The following ANO3 variants were observed in gnomAD, a reference collection of about 807,000 sequenced individuals.
The protein encoded by ANO3 is anoctamin 3, also known as anoctamin-3.
Under a neutral mutation model 144.8 loss-of-function variants are expected in ANO3, and 99 were observed. The ratio of observed to expected loss-of-function variants is 0.68; its 90% CI spans 0.58 to 0.81. The LOEUF (loss-of-function observed/expected upper bound fraction) is 0.81, where lower values mean the gene tolerates loss of function less well. ANO3 is among the 30% of genes least tolerant of loss of function. ANO3 has a pLI of 0.00. For missense variants in ANO3, 905 were observed against 1,202.2 expected (o/e 0.75, Z 3.66); for synonymous variants, 414 against 392.6 (o/e 1.05, Z -0.64).
intron 1 of ANO3, among the ~76,000 whole-genome samples, chr11:26,251,955 C>T (rs913935704): frequency 6.6e-6 from 1 of 152,128 alleles, no homozygotes; most frequent in Admixed American, 6.5e-5. Flanking sequence ...TGACACAGTC[C>T]AAACCATATC....
At chr11:26,573,473 C>G (rs905006795) in intron 14 of ANO3, among the ~76,000 whole-genome samples, 1 of 152,076 alleles carries the variant, frequency 6.6e-6, no homozygotes, top group Non-Finnish European at 1.5e-5. Context: ...AGGTAAAAAT[C>G]CAACTAAATA....
At chr11:26,202,200 T>G (rs1211718353) in intron 1 of ANO3, among the ~76,000 whole-genome samples, 1 of 147,602 alleles carries the variant, frequency 6.8e-6, no homozygotes, top group African/African-American at 2.5e-5. Context: ...TTAAGTTATA[T>G]TATTTCCAAA....
intron 1 of ANO3, among the ~76,000 whole-genome samples, chr11:26,278,783 A>G (rs10834940): frequency 0.18 from 26,935 of 152,020 alleles, 2,657 homozygotes; most frequent in African/African-American, 0.27. Flanking sequence ...TTCTCTGCAC[A>G]TCTTAAGCAC....
intron 3 of ANO3, among the ~76,000 whole-genome samples, chr11:26,449,075 T>C (rs1858818293): frequency 6.6e-6 from 1 of 152,182 alleles, no homozygotes; most frequent in Admixed American, 6.5e-5. Context: ...TTCAGAGACC[T>C]CACAGAATCT....
intron 24 of ANO3, among the ~76,000 whole-genome samples, chr11:26,654,002 AC>A (rs1853610050): frequency 6.6e-6 from 1 of 152,110 alleles, no homozygotes; most frequent in Non-Finnish European, 1.5e-5. Flanking sequence ...CAGTTTTTGA[AC>A]TATCTCCTCT....
At chr11:26,495,543 G>GT (rs1406105018) in intron 4 of ANO3, among the ~76,000 whole-genome samples, 1 of 152,104 alleles carries the variant, frequency 6.6e-6, no homozygotes, top group African/African-American at 2.4e-5. Flanking sequence ...TTATTCATTT[G>GT]TACTCTGAGT....
chr11:26,550,644 A>G (rs530726774), intron 12 of ANO3, among the ~76,000 whole-genome samples: 1 of 152,138 alleles, frequency 6.6e-6, no homozygotes, highest in South Asian at 2.1e-4. Context: ...ACACATATAT[A>G]CCACATTTTC....
intron 1 of ANO3, among the ~76,000 whole-genome samples, chr11:26,277,111 T>A (rs1853575521): frequency 6.6e-6 from 1 of 152,036 alleles, no homozygotes; most frequent in African/African-American, 2.4e-5. Flanking sequence ...AATAAATCCA[T>A]CCATATAAAA....
intron 4 of ANO3, among the ~76,000 whole-genome samples, chr11:26,504,075 T>C (rs1861311693): frequency 6.6e-6 from 1 of 152,190 alleles, no homozygotes. Context: ...TTGTGTTTTA[T>C]TTTATTTTCA....
In ANO3 at chr11:26,508,269, G is replaced by T. The variant is rs1205010988; in HGVS notation, c.591+7G>T. On this transcript the variant is annotated splice_region_variant and intron_variant, in intron 5 of 26. Coordinates refer to ENST00000256737, the MANE Select transcript of ANO3 (RefSeq NM_031418.4). ...CTTGATGTTGGAGAAGGAGGTAGGT[G>T]CTTTACTATTATTAGTTATGTGATA... 3 of 1,577,644 alleles carry T rather than the reference G, an allele frequency of 1.9e-6. No homozygotes were observed. Among genetic ancestry groups the T allele is most frequent in the East Asian group, 2.3e-5 (1 of 43,356 alleles).
At chr11:26,228,320 C>CTGGGG (rs1313205667) in intron 1 of ANO3, among the ~76,000 whole-genome samples, 2 of 152,174 alleles carry the variant, frequency 1.3e-5, no homozygotes, top group Non-Finnish European at 2.9e-5. Context: ...AATTTATCCC[C>CTGGGG]AGTGAAAGTT....
At chr11:26,272,873 T>A (rs1239090552) in intron 1 of ANO3, among the ~76,000 whole-genome samples, 1 of 152,134 alleles carries the variant, frequency 6.6e-6, no homozygotes, top group Non-Finnish European at 1.5e-5. Flanking sequence ...TCTAGCCTGG[T>A]TTGTGATCAG....
intron 26 of ANO3, among the ~76,000 whole-genome samples, chr11:26,657,289 T>G (rs1853718820): frequency 6.6e-6 from 1 of 152,168 alleles, no homozygotes; most frequent in Non-Finnish European, 1.5e-5. Flanking sequence ...TCCTTCATCT[T>G]TAAAATGAAA....
At chr11:26,220,195 A>T (rs1852114089) in intron 1 of ANO3, among the ~76,000 whole-genome samples, 2 of 152,178 alleles carry the variant, frequency 1.3e-5, no homozygotes, top group Non-Finnish European at 2.9e-5. Context: ...CTGGAGGTAA[A>T]GATTGGTCTC....
chr11:26,641,802 G>A, intron 21 of ANO3, 94 bp from the exon 22 acceptor site: 1 of 1,272,344 alleles, frequency 7.9e-7, no homozygotes, highest in Non-Finnish European at 1.0e-6. Flanking sequence ...CCGAGGAGCT[G>A]GAATTGGTTT....
At chr11:26,602,094 G>A (rs1851813797) in intron 17 of ANO3, among the ~76,000 whole-genome samples, 1 of 152,182 alleles carries the variant, frequency 6.6e-6, no homozygotes, top group Non-Finnish European at 1.5e-5. Flanking sequence ...AATGGAAGAA[G>A]AGAGGGTGCT....
rs1407654684 is a variant in ANO3, at chr11:26,598,914, C to T, written c.1587C>T (p.Pro529=). ...AKYYKMEIVN[P]ITGKPEPHQP... ...ATTACAAGATGGAGATTGTAAATCC[C>T]ATCACGGGAAAACCTGAACCACATC... The change falls in exon 16 of 27, where the codon CCC becomes CCT. Residue 529 remains proline, a synonymous_variant. Transcript: ENST00000256737. 1.2e-6 allele frequency: 2 copies of T among 1,613,836 alleles called. No individual in the cohort carries two copies. Among genetic ancestry groups the T allele is most frequent in the East Asian group, 2.2e-5 (1 of 44,868 alleles).
At chr11:26,526,896 A>C (rs141182785) in intron 7 of ANO3, among the ~76,000 whole-genome samples, 1 of 152,216 alleles carries the variant, frequency 6.6e-6, no homozygotes, top group Non-Finnish European at 1.5e-5. Context: ...TTTGCTAATA[A>C]AATTAGTCAT....
chr11:26,356,561 A>G lies in ANO3; in HGVS notation c.46+24240A>G, dbSNP rs562302345. On this transcript the variant is annotated intron_variant, in intron 1 of 26. Coordinates refer to ENST00000256737, the MANE Select transcript of ANO3 (RefSeq NM_031418.4). ...ATAATGCTTTTTACATTTATGTTGTATATATGAATTGCTCATTATTTTTCA... is the reference window on the plus strand; with the variant it reads ...ATAATGCTTTTTACATTTATGTTGTGTATATGAATTGCTCATTATTTTTCA... Among the ~76,000 whole-genome samples the G allele has an allele frequency of 2.0e-5, 3 of 152,284 alleles. No homozygotes were observed. In the East Asian group the frequency reaches 5.8e-4, roughly 29 times the overall value.
Sources: gnomAD v4.1 joint callset for allele counts (sites outside exome capture counted in the v4.1 genomes callset) on GRCh38, gnomAD v4.1.1 for gene constraint, MANE v1.5 for transcripts, NCBI Gene and HGNC (gene_info 2026-07-23, HGNC 2026-07-21) for gene names.